Variants in LRP1 observed in about 807,000 individuals in gnomAD.
LRP1 encodes the protein prolow-density lipoprotein receptor-related protein 1.
Under a neutral mutation model 541.5 loss-of-function variants are expected in LRP1, and 51 were observed. That is an observed-to-expected ratio of 0.09 (90% CI 0.08 to 0.12). The LOEUF (loss-of-function observed/expected upper bound fraction) is 0.12, where lower values mean the gene tolerates loss of function less well. LRP1 is among the 10% of genes least tolerant of loss of function. The pLI is 1.00. For missense variants in LRP1, 3,878 were observed against 6,376.2 expected, an observed-to-expected ratio of 0.61 and a Z score of 13.34; for synonymous variants, 2,219 against 2,470.8, an observed-to-expected ratio of 0.90 and a Z score of 3.02.
At chr12:57,198,925 G>A (rs2036591326) in intron 60 of LRP1, among the ~76,000 whole-genome samples, 1 of 152,222 alleles carries the variant, frequency 6.6e-6, no homozygotes, top group Non-Finnish European at 1.5e-5. Context: ...TGGCCCCAAG[G>A]AGGGTGGGGG....
chr12:57,171,709 G>A (rs2035946734), intron 20 of LRP1, among the ~76,000 whole-genome samples: 1 of 152,146 alleles, frequency 6.6e-6, no homozygotes, highest in African/African-American at 2.4e-5. Flanking sequence ...GACTGCTGCT[G>A]AAAGTCCCGG....
In LRP1 at chr12:57,211,069, G is replaced by C. The variant is rs1003064947; in HGVS notation, c.12917-107G>C. ...GTGCTGGCACACTTCCCCTGAGGCA[G>C]TGCACCCCCTGCACCAAGATTATGC... On this transcript the variant is annotated intron_variant, in intron 83 of 88. Coordinates refer to ENST00000243077, the MANE Select transcript of LRP1 (RefSeq NM_002332.3). This position sits in a 1 kb window ranked among gnomAD's most constrained non-coding sequence, Gnocchi z 4.3. 2.8e-6 allele frequency: 4 copies of C among 1,424,290 alleles called. No individual in the cohort carries two copies. In the African/African-American group the frequency reaches 5.6e-5, roughly 20 times the overall value. 88.2% of individuals were successfully genotyped at this position (1,424,290 alleles called of 1,614,324 possible).
At position 57,185,519 on chromosome 12, in the gene LRP1, C is replaced by T; in HGVS notation, c.6464-12C>T. ...AGGCAGGCCCTGCCCTCTGTACCCT[C>T]CCCTCCCCCAGGCACCAACGTGTGC... On this transcript the variant is annotated splice_polypyrimidine_tract_variant and intron_variant, in intron 40 of 88. Coordinates refer to ENST00000243077, the MANE Select transcript of LRP1 (RefSeq NM_002332.3). The surrounding 1 kb of genome is among the most constrained non-coding windows in gnomAD (Gnocchi z 4.9). 1.3e-6 allele frequency: 2 copies of T among 1,575,122 alleles called. No individual in the cohort carries two copies. Among genetic ancestry groups the T allele is most frequent in the Non-Finnish European group, 1.7e-6 (2 of 1,158,684 alleles).
chr12:57,208,941 G>A (rs1400667559), intron 78 of LRP1, 124 bp downstream of exon 78: 3 of 1,057,652 alleles, frequency 2.8e-6, no homozygotes, highest in Non-Finnish European at 4.3e-6. Flanking sequence ...AGGGCAGATT[G>A]GCCGTGGAGG....
Position 57,197,229 on chromosome 12 carries a change from G to C in LRP1, c.9076+64G>C. ...TGTGTGGGACTGCCCGGGTGGCAGA[G>C]CTCCAGACAGGCAGGAGACCAGGGC... On this transcript the variant is annotated intron_variant, in intron 56 of 88. Transcript: ENST00000243077. This position sits in a 1 kb window ranked among gnomAD's most constrained non-coding sequence, Gnocchi z 4.5. 6.2e-7 allele frequency: 1 copy of C among 1,612,532 alleles called. No individual in the cohort carries two copies. The highest frequency in any genetic ancestry group is 8.5e-7 in the Non-Finnish European group (1 of 1,178,564).
intron 16 of LRP1, 62 bp from the exon 17 acceptor site, chr12:57,166,022 G>T: frequency 1.2e-6 from 2 of 1,613,414 alleles, no homozygotes; most frequent in Non-Finnish European, 1.7e-6. Flanking sequence ...GCCTATACTG[G>T]AGCGGGCAGG....
chr12:57,140,772 G>A (rs1253294310), intron 2 of LRP1, among the ~76,000 whole-genome samples: 8 of 151,948 alleles, frequency 5.3e-5, no homozygotes, highest in East Asian at 3.9e-4. Flanking sequence ...TCGCTCTGTC[G>A]CCCACGCTGG....
In LRP1 at chr12:57,162,617, G is replaced by C; in HGVS notation, c.2404+99G>C. On this transcript the variant is annotated intron_variant, in intron 14 of 88. Coordinates refer to ENST00000243077, the MANE Select transcript of LRP1 (RefSeq NM_002332.3). This position sits in a 1 kb window ranked among gnomAD's most constrained non-coding sequence, Gnocchi z 5.2. ...CCTGGGAGTGAAGGCACTTCCCAGG[G>C]ATCCTAGGCTCTGACTTTTGAGGAT... 7.3e-7 allele frequency: 1 copy of C among 1,375,628 alleles called. No homozygotes were observed. Among genetic ancestry groups the C allele is most frequent in the South Asian group, 1.2e-5 (1 of 81,364 alleles). 85.2% of individuals were successfully genotyped at this position (1,375,628 alleles called of 1,614,324 possible).
rs374181151 is a variant in LRP1, at chr12:57,201,460, G to A, written c.10346-37G>A. 9 of 1,583,160 alleles carry A rather than the reference G, an allele frequency of 5.7e-6. No homozygotes were observed. Among genetic ancestry groups the A allele is most frequent in the Non-Finnish European group, 7.8e-6 (9 of 1,161,056 alleles). ...GTGATGGTGAACTGGAGTGGCAGGT[G>A]TAAGGGAGGGCCCTCATTCTCTTGC... is the stretch of plus-strand genomic sequence containing the variant. On this transcript the variant is annotated intron_variant, in intron 65 of 88. Coordinates refer to ENST00000243077, the MANE Select transcript of LRP1 (RefSeq NM_002332.3). This position sits in a 1 kb window ranked among gnomAD's most constrained non-coding sequence, Gnocchi z 6.4.
rs754284522 is a variant in LRP1 at position 57,184,323 on chromosome 12, C to T, written c.6060-3C>T. ...GACCCCCACTTCCACCCCCACCCTACAGGTACTTGTTCTGGACTGAGTGGG... is the reference window on the plus strand; with the variant it reads ...GACCCCCACTTCCACCCCCACCCTATAGGTACTTGTTCTGGACTGAGTGGG... On this transcript the variant is annotated splice_region_variant and splice_polypyrimidine_tract_variant and intron_variant, in intron 37 of 88. Transcript: ENST00000243077. This position sits in a 1 kb window ranked among gnomAD's most constrained non-coding sequence, Gnocchi z 7.8. The T allele has an allele frequency of 4.3e-6, 7 of 1,614,210 alleles. No individual in the cohort carries two copies. In the South Asian group the frequency reaches 4.4e-5, roughly 10 times the overall value.
At chr12:57,132,387 C>G (rs1046442474) in intron 1 of LRP1, among the ~76,000 whole-genome samples, 3 of 152,162 alleles carry the variant, frequency 2.0e-5, no homozygotes, top group Non-Finnish European at 4.4e-5. Flanking sequence ...TTTCCTCCCT[C>G]CTTTCTACCC....
chr12:57,190,618 C>A (rs1207041041), intron 42 of LRP1, among the ~76,000 whole-genome samples, 187 bp from the exon 43 acceptor site: 1 of 152,252 alleles, frequency 6.6e-6, no homozygotes, highest in African/African-American at 2.4e-5. Context: ...TCAGCCACCT[C>A]GTGTGTGAAC....
rs755361380 is a variant in LRP1, at chr12:57,201,810, G to A, written c.10499G>A (p.Arg3500His). 22 of 1,613,964 alleles carry A rather than the reference G, an allele frequency of 1.4e-5. No individual in the cohort carries two copies. Among genetic ancestry groups the A allele is most frequent in the East Asian group, 2.2e-5 (1 of 44,896 alleles). ...TQMTCGVDEF[R>H]CKDSGRCIPA... The stretch of plus-strand genomic sequence containing the variant: ...ATGACCTGTGGTGTGGACGAGTTCC[G>A]CTGCAAGGATTCGGGCCGCTGCATC... Residue 3500 changes from arginine (R) to histidine (H), a missense_variant, in exon 67 of 89, where the codon CGC becomes CAC. Transcript: ENST00000243077. The surrounding 1 kb of genome is among the most constrained non-coding windows in gnomAD (Gnocchi z 6.4).
At position 57,203,166 on chromosome 12, in the gene LRP1, C is replaced by T; in HGVS notation, c.10712-15C>T. The T allele has an allele frequency of 1.3e-6, 2 of 1,551,046 alleles. No homozygotes were observed. The highest frequency in any genetic ancestry group is 1.7e-6 in the Non-Finnish European group (2 of 1,143,904). On this transcript the variant is annotated splice_polypyrimidine_tract_variant and intron_variant, in intron 68 of 88. Coordinates refer to ENST00000243077, the MANE Select transcript of LRP1 (RefSeq NM_002332.3). ...TGCCCACCCTCCTGGGCCTGTCTCC[C>T]CCTGTCCTTCCCAGCCCCTCGGCCC...
chr12:57,192,940 C>T lies in LRP1; in HGVS notation c.7525C>T (p.Arg2509Ter), dbSNP rs1555186292. 1 of 1,613,764 alleles carries T rather than the reference C, an allele frequency of 6.2e-7. No individual in the cohort carries two copies. Among genetic ancestry groups the T allele is most frequent in the Non-Finnish European group, 8.5e-7 (1 of 1,179,950 alleles). ...GHVNCSCRGG[R>*]ILQDDLTCRA... Reference sequence around the variant, plus strand: ...TGTCAACTGCTCATGCCGAGGGGGCCGAATCCTCCAGGATGACCTCACCTG... The same window carrying T: ...TGTCAACTGCTCATGCCGAGGGGGCTGAATCCTCCAGGATGACCTCACCTG... Residue 2509 changes from arginine to a stop codon, truncating the protein, a stop_gained, in exon 45 of 89, where the codon CGA becomes TGA. Transcript: ENST00000243077. LOFTEE classifies it high-confidence loss of function.
rs543872190 is a variant in LRP1, at chr12:57,134,669, G to A, written c.68-3790G>A. ...CTCCCAAAGTGCTGGTACTACAGAC[G>A]GGAGCCACTGCGCCCATCTGGTTTC... On this transcript the variant is annotated intron_variant, in intron 1 of 88. Coordinates refer to ENST00000243077, the MANE Select transcript of LRP1 (RefSeq NM_002332.3). 3.2e-4 allele frequency among the ~76,000 whole-genome samples: 49 copies of A among 151,616 alleles called. 1 individual carries two copies. The highest frequency in any genetic ancestry group is 2.4e-3 in the Admixed American group (37 of 15,218).
chr12:57,180,992 C>T (rs543901381), intron 33 of LRP1, among the ~76,000 whole-genome samples, 165 bp from the exon 34 acceptor site: 6 of 152,298 alleles, frequency 3.9e-5, no homozygotes, highest in African/African-American at 1.2e-4. Flanking sequence ...GTTCACAAGG[C>T]CAGGGGCCCA....
rs753516803 is a variant in LRP1, at chr12:57,195,856, C to T, written c.8561-7C>T. On this transcript the variant is annotated splice_polypyrimidine_tract_variant and splice_region_variant and intron_variant, in intron 53 of 88. Coordinates refer to ENST00000243077, the MANE Select transcript of LRP1 (RefSeq NM_002332.3). ...GCATCAGCCTCACAGGTCCATTCCT[C>T]CCCCAGAGTACCCGACCTGCGGCCC... 9 of 1,613,864 alleles carry T rather than the reference C, an allele frequency of 5.6e-6. No homozygotes were observed. In the Admixed American group the frequency reaches 1.0e-4, roughly 18 times the overall value.
chr12:57,204,849 G>A lies in LRP1; in HGVS notation c.11194+100G>A. 2 of 1,541,224 alleles carry A rather than the reference G, an allele frequency of 1.3e-6. No homozygotes were observed. The highest frequency in any genetic ancestry group is 1.8e-6 in the Non-Finnish European group (2 of 1,133,500). ...CTGCACTGGGGTTAGGGTTAACCAGGAGGACTCGCCCAGGAAGGGGAGGAT... is the reference window on the plus strand; with the variant it reads ...CTGCACTGGGGTTAGGGTTAACCAGAAGGACTCGCCCAGGAAGGGGAGGAT... On this transcript the variant is annotated intron_variant, in intron 72 of 88. Coordinates refer to ENST00000243077, the MANE Select transcript of LRP1 (RefSeq NM_002332.3). This position sits in a 1 kb window ranked among gnomAD's most constrained non-coding sequence, Gnocchi z 5.3.
Sources: gnomAD v4.1 joint callset for allele counts (sites outside exome capture counted in the v4.1 genomes callset) on GRCh38, gnomAD v4.1.1 for gene constraint, Gnocchi (gnomAD v3.1) non-coding constraint, MANE v1.5 for transcripts, NCBI Gene and HGNC (gene_info 2026-07-23, HGNC 2026-07-21) for gene names.